The following ESRRG variants were observed in gnomAD, a reference collection of about 807,000 sequenced individuals.
The protein encoded by ESRRG is estrogen-related receptor gamma.
ESRRG carries 13 observed loss-of-function variants against 44.0 expected under a neutral mutation model. That is an observed-to-expected ratio of 0.30 (90% CI 0.19 to 0.47). The LOEUF (loss-of-function observed/expected upper bound fraction) is 0.47. Ranked by LOEUF, ESRRG falls within the 20% of genes least tolerant of loss-of-function variation. The probability of loss-of-function intolerance (pLI) is 1.00; values close to 1 mark genes in which losing one functional copy is unlikely to be tolerated. For synonymous variants in ESRRG, 215 were observed against 214.6 expected, an observed-to-expected ratio of 1.00 and a Z score of -0.02; for missense variants, 395 against 580.6, an observed-to-expected ratio of 0.68 and a Z score of 3.29.
intron 1 of ESRRG, among the ~76,000 whole-genome samples, chr1:217,061,075 A>G (rs1241477131): frequency 6.6e-6 from 1 of 152,014 alleles, no homozygotes; most frequent in African/African-American, 2.4e-5. Flanking sequence ...TTTCCCCCCA[A>G]AAAAAGTCTT....
At chr1:217,008,065 G>T (rs1056653752) in intron 1 of ESRRG, among the ~76,000 whole-genome samples, 1 of 152,168 alleles carries the variant, frequency 6.6e-6, no homozygotes, top group Non-Finnish European at 1.5e-5. Flanking sequence ...AGTAGAACTA[G>T]GCAATTAAGA....
chr1:216,718,378 C>T (rs2085372026), intron 1 of ESRRG, among the ~76,000 whole-genome samples: 1 of 151,934 alleles, frequency 6.6e-6, no homozygotes, highest in African/African-American at 2.4e-5. Flanking sequence ...ATCCTATCGA[C>T]TGCTTTGAGT....
At chr1:216,607,235 C>A (rs2060052905) in intron 3 of ESRRG, among the ~76,000 whole-genome samples, 1 of 152,218 alleles carries the variant, frequency 6.6e-6, no homozygotes, top group Non-Finnish European at 1.5e-5. Flanking sequence ...CCCCATGACC[C>A]TGGCCTGGAG....
upstream of ESRRG, among the ~76,000 whole-genome samples, chr1:217,093,313 T>A (rs1302098112): frequency 1.3e-5 from 2 of 152,014 alleles, no homozygotes; most frequent in African/African-American, 2.4e-5. Flanking sequence ...CTTACAAGTA[T>A]GACACAGGAT....
chr1:216,808,514 C>T (rs369266804), intron 2 of ESRRG, among the ~76,000 whole-genome samples: 17 of 152,242 alleles, frequency 1.1e-4, no homozygotes, highest in African/African-American at 4.1e-4. Flanking sequence ...GCAGTCTCAA[C>T]CTCCCAGGTT....
At chr1:216,759,899 T>C (rs976306735) in intron 2 of ESRRG, among the ~76,000 whole-genome samples, 1 of 152,190 alleles carries the variant, frequency 6.6e-6, no homozygotes, top group African/African-American at 2.4e-5. Context: ...TATGGGTCCC[T>C]TAGCCTAGTA....
intron 2 of ESRRG, among the ~76,000 whole-genome samples, chr1:216,866,587 T>C (rs1409564956): frequency 6.6e-6 from 1 of 151,956 alleles, no homozygotes; most frequent in African/African-American, 2.4e-5. Flanking sequence ...ATTTTTTTTC[T>C]TTGAGATAGG....
chr1:216,640,154 A>G (rs1041972620), intron 3 of ESRRG, among the ~76,000 whole-genome samples: 17 of 152,048 alleles, frequency 1.1e-4, no homozygotes, highest in African/African-American at 4.1e-4. Flanking sequence ...GCAGGTCCTG[A>G]TATTTGTTCT....
In ESRRG at chr1:216,915,874, G is replaced by A. The variant is rs181829963; in HGVS notation, c.-14+23708C>T. Among the ~76,000 whole-genome samples the A allele has an allele frequency of 4.6e-3, 705 of 152,282 alleles. 7 individuals carry two copies. The highest frequency in any genetic ancestry group is 0.017 in the African/African-American group (695 of 41,578). ...CTACCTTGGGCTTCCAAAGGAAACA[G>A]CCAGTGATAGTACCCTCGTTGGCAT... On this transcript the variant is annotated intron_variant, in intron 2 of 7. Transcript: ENST00000359162.
chr1:216,503,740 T>C lies in ESRRG; in HGVS notation c.*3199A>G, dbSNP rs1308175679. On this transcript the variant is annotated 3_prime_UTR_variant, in exon 7 of 7. Coordinates refer to ENST00000408911, the MANE Select transcript of ESRRG (RefSeq NM_001438.4). ...TATATCTTTTATGTTATCATTTAAA[T>C]GCAAAATAGTGGAATAAATACAACA... 5 of 152,496 alleles carry C rather than the reference T, an allele frequency of 3.3e-5. No individual in the cohort carries two copies. Among genetic ancestry groups the C allele is most frequent in the Admixed American group, 6.5e-5 (1 of 15,270 alleles). The allele number at this position is 152,496 out of a possible 1,614,324, so 9.4% of individuals were successfully genotyped here. A position where few individuals can be genotyped will look rare whatever the true frequency, so the allele number is the denominator to read the frequency against.
At chr1:216,877,387 TTG>T (rs1355374986) in intron 2 of ESRRG, among the ~76,000 whole-genome samples, 7 of 45,450 alleles carry the variant, frequency 1.5e-4, no homozygotes, top group Admixed American at 1.5e-3. Flanking sequence ...GTGTTTTTTT[TTG>T]TTTGTTTGTT....
At chr1:216,791,243 G>C (rs1278005916) in intron 2 of ESRRG, among the ~76,000 whole-genome samples, 1 of 152,056 alleles carries the variant, frequency 6.6e-6, no homozygotes, top group Non-Finnish European at 1.5e-5. Flanking sequence ...ACGACAGTGA[G>C]TGAGATCGTG....
chr1:216,907,604 T>C (rs2059831548), intron 2 of ESRRG, among the ~76,000 whole-genome samples: 1 of 152,208 alleles, frequency 6.6e-6, no homozygotes, highest in Non-Finnish European at 1.5e-5. Flanking sequence ...CTTGTACCCC[T>C]GTAACTACCA....
intron 3 of ESRRG, among the ~76,000 whole-genome samples, chr1:216,584,762 AC>A (rs1339220935): frequency 1.3e-5 from 2 of 152,228 alleles, no homozygotes; most frequent in Admixed American, 1.3e-4. Context: ...TAAGAAAGGT[AC>A]TAGTAACCTG....
At chr1:216,591,093 T>C (rs1207396369) in intron 3 of ESRRG, among the ~76,000 whole-genome samples, 1 of 152,128 alleles carries the variant, frequency 6.6e-6, no homozygotes, top group East Asian at 1.9e-4. Flanking sequence ...AATTGACTCT[T>C]GGCAGGCCCC....
intron 2 of ESRRG, among the ~76,000 whole-genome samples, chr1:216,926,378 C>T (rs1305765076): frequency 2.7e-5 from 4 of 150,664 alleles, no homozygotes; most frequent in Admixed American, 2.6e-4. Flanking sequence ...TCAGCTCAAC[C>T]ACTTTCCATC....
chr1:216,511,890 T>C (rs1036157586), intron 6 of ESRRG, among the ~76,000 whole-genome samples: 1 of 152,204 alleles, frequency 6.6e-6, no homozygotes, highest in Non-Finnish European at 1.5e-5. Context: ...CCATTAAATA[T>C]GTTTGAGTAC....
chr1:216,765,980 T>C (rs2093054376), intron 2 of ESRRG, among the ~76,000 whole-genome samples: 1 of 152,130 alleles, frequency 6.6e-6, no homozygotes, highest in African/African-American at 2.4e-5. Flanking sequence ...TCAGTAGCAA[T>C]AGAAACAGAA....
At position 217,074,062 on chromosome 1, in the gene ESRRG, T is replaced by C. The variant is rs567289285; in HGVS notation, c.-106+15445A>G. ...AATTATGAATGCTTTTTTTTTTTTT[T>C]TTTGAGACAGAGTCTCACACTGTCG... is the stretch of plus-strand genomic sequence containing the variant. On this transcript the variant is annotated intron_variant, in intron 1 of 7. Transcript: ENST00000359162. 2.0e-5 allele frequency among the ~76,000 whole-genome samples: 3 copies of C among 151,710 alleles called. No individual in the cohort carries two copies. The South Asian group carries it at 6.3e-4, about 32-fold the overall frequency.
Sources: allele counts gnomAD v4.1 joint callset (sites outside exome capture counted in the v4.1 genomes callset), GRCh38; gene constraint gnomAD v4.1.1; transcripts MANE v1.5; gene names NCBI Gene and HGNC (gene_info 2026-07-23, HGNC 2026-07-21).